COL23A1: variants seen among roughly 807,000 people sequenced by gnomAD.
COL23A1 encodes the protein collagen alpha-1(XXIII) chain.
In COL23A1, 97 loss-of-function variants were observed where a neutral mutation model predicts 99.3. The ratio of observed to expected loss-of-function variants is 0.98; its 90% CI spans 0.83 to 1.16. The LOEUF is 1.16. Among genes scored for constraint, COL23A1 ranks in the 50% most tolerant of loss-of-function variants. The pLI is 0.00. For synonymous variants in COL23A1, 320 were observed against 308.2 expected (o/e 1.04, Z -0.40); for missense variants, 762 against 757.4 (o/e 1.01, Z -0.07).
At chr5:178,245,613 CCCAT>C (rs746232088) in intron 25 of COL23A1, among the ~76,000 whole-genome samples, 1 of 151,228 alleles carries the variant, frequency 6.6e-6, no homozygotes, top group Admixed American at 6.6e-5. Context: ...CATCCATCCA[CCCAT>C]CCATCCATTT....
chr5:178,488,435 GCACATGAAGATTTCT>G (rs1757747966), intron 2 of COL23A1, among the ~76,000 whole-genome samples: 1 of 151,998 alleles, frequency 6.6e-6, no homozygotes, highest in Non-Finnish European at 1.5e-5. Context: ...TCCCTTTGTG[GCACATGAAGATTTCT>G]AGTGATCTCT....
rs574250013 is a variant in COL23A1, at chr5:178,279,071, C to G, written c.442-8708G>C. On this transcript the variant is annotated intron_variant, in intron 5 of 28. Coordinates refer to ENST00000390654, the MANE Select transcript of COL23A1 (RefSeq NM_173465.4). The stretch of plus-strand genomic sequence containing the variant: ...GAGCTCGGAGAGGCCAGGACACCAG[C>G]CCAAAGCTTTGCTCGAGCCCTGTGC... Among the ~76,000 whole-genome samples the G allele has an allele frequency of 7.6e-4, 116 of 152,316 alleles. 1 individual carries two copies. The highest frequency in any genetic ancestry group is 3.4e-3 in the Middle Eastern group (1 of 294).
intron 2 of COL23A1, among the ~76,000 whole-genome samples, chr5:178,416,417 G>A (rs939244244): frequency 6.6e-6 from 1 of 152,148 alleles, no homozygotes; most frequent in Non-Finnish European, 1.5e-5. Flanking sequence ...GGATCAGCTT[G>A]GCCTTGGGGA....
chr5:178,393,534 T>A (rs1764076589), intron 2 of COL23A1, among the ~76,000 whole-genome samples: 1 of 152,198 alleles, frequency 6.6e-6, no homozygotes, highest in Non-Finnish European at 1.5e-5. Context: ...ATGTTATGTA[T>A]GTTTTACTAC....
chr5:178,267,206 G>A (rs1433559887), intron 8 of COL23A1, 101 bp downstream of exon 8: 1 of 1,289,842 alleles, frequency 7.8e-7, no homozygotes, highest in Admixed American at 1.8e-5. Flanking sequence ...TTTCTGTGAT[G>A]AGCTGCGGGG....
At chr5:178,343,920 C>A (rs1369753759) in intron 2 of COL23A1, among the ~76,000 whole-genome samples, 2 of 152,106 alleles carry the variant, frequency 1.3e-5, no homozygotes, top group Non-Finnish European at 2.9e-5. Context: ...CTTGGCCTCC[C>A]AAAGTGCTGG....
In COL23A1 at chr5:178,525,069, CA is replaced by C. The variant is rs1401905921; in HGVS notation, c.361+35612del. 4.7e-5 allele frequency among the ~76,000 whole-genome samples: 7 copies of C among 149,336 alleles called. 1 individual carries two copies. The highest frequency in any genetic ancestry group is 1.2e-4 in the African/African-American group (5 of 40,152). On this transcript the variant is annotated intron_variant, in intron 2 of 28. Coordinates refer to ENST00000390654, the MANE Select transcript of COL23A1 (RefSeq NM_173465.4). ...AAATGGCGACACAGCGCGCAGACCC[CA>C]GGACCCGAAGGCTAAGCTCACATGG...
At chr5:178,410,175 G>A (rs1027468443) in intron 2 of COL23A1, among the ~76,000 whole-genome samples, 2 of 152,176 alleles carry the variant, frequency 1.3e-5, no homozygotes, top group African/African-American at 2.4e-5. Flanking sequence ...AATATAGGAC[G>A]AAGGATATGA....
chr5:178,398,814 G>T (rs1764286091), intron 2 of COL23A1, among the ~76,000 whole-genome samples: 1 of 152,200 alleles, frequency 6.6e-6, no homozygotes, highest in African/African-American at 2.4e-5. Context: ...GATCCCCTAG[G>T]CACGTCTTGT....
At position 178,307,575 on chromosome 5, in the gene COL23A1, T is replaced by A. The variant is rs1445880588; in HGVS notation, c.362-656A>T. 1.3e-5 allele frequency among the ~76,000 whole-genome samples: 2 copies of A among 152,184 alleles called. No homozygotes were observed. Among genetic ancestry groups the A allele is most frequent in the Non-Finnish European group, 2.9e-5 (2 of 68,034 alleles). ...TCTGAATTTACGGTGCAGAACCCCC[T>A]ACCTCCGCCTCTGGCCCTCTGCCCA... On this transcript the variant is annotated intron_variant, in intron 2 of 28. Coordinates refer to ENST00000390654, the MANE Select transcript of COL23A1 (RefSeq NM_173465.4). This position sits in a 1 kb window ranked among gnomAD's most constrained non-coding sequence, Gnocchi z 4.2.
intron 2 of COL23A1, among the ~76,000 whole-genome samples, chr5:178,494,733 C>G (rs552982914): frequency 6.6e-6 from 1 of 152,152 alleles, no homozygotes; most frequent in Non-Finnish European, 1.5e-5. Context: ...CTCTGCTCCC[C>G]GGTACATCCC....
intron 3 of COL23A1, among the ~76,000 whole-genome samples, chr5:178,292,903 G>A (rs1417828548): frequency 2.0e-5 from 3 of 152,194 alleles, no homozygotes; most frequent in Admixed American, 1.3e-4. Context: ...TAGAGAAAGT[G>A]TCTCAGGAGG....
intron 2 of COL23A1, among the ~76,000 whole-genome samples, chr5:178,453,755 C>T (rs1459276719): frequency 7.9e-5 from 12 of 152,148 alleles, no homozygotes; most frequent in Non-Finnish European, 1.8e-4. Flanking sequence ...GACTCGTTCA[C>T]AGTCACACAC....
rs77012449 is a variant in COL23A1 at position 178,585,544 on chromosome 5, C to T, written c.294+4360G>A. Among the ~76,000 whole-genome samples the T allele has an allele frequency of 3.6e-4, 20 of 56,100 alleles. 2 individuals are homozygous for T. The highest frequency in any genetic ancestry group is 6.2e-3 in the Middle Eastern group (1 of 162). 36.8% of individuals were successfully genotyped at this position (56,100 alleles called of 152,430 possible). On this transcript the variant is annotated intron_variant, in intron 1 of 28. Coordinates refer to ENST00000390654, the MANE Select transcript of COL23A1 (RefSeq NM_173465.4). ...CCTGGATGACGCTGGAGTAACACTC[C>T]ACAGCCCTGGTTGATGCTGGGGGTA... is the stretch of plus-strand genomic sequence containing the variant.
chr5:178,580,488 T>C (rs1474172591), intron 1 of COL23A1, among the ~76,000 whole-genome samples: 1 of 151,990 alleles, frequency 6.6e-6, no homozygotes, highest in Non-Finnish European at 1.5e-5. Context: ...CCCCAATGGT[T>C]CGTGCTTAGT....
At chr5:178,546,553 G>C (rs1417646595) in intron 2 of COL23A1, among the ~76,000 whole-genome samples, 1 of 152,202 alleles carries the variant, frequency 6.6e-6, no homozygotes, top group Non-Finnish European at 1.5e-5. Flanking sequence ...CTGACACTGG[G>C]GGCCGTCCCA....
intron 1 of COL23A1, among the ~76,000 whole-genome samples, chr5:178,572,232 G>T (rs911647026): frequency 5.9e-5 from 9 of 151,906 alleles, no homozygotes; most frequent in African/African-American, 1.7e-4. Flanking sequence ...AACACACAGA[G>T]AATTATTTTT....
intron 3 of COL23A1, among the ~76,000 whole-genome samples, chr5:178,296,097 G>T (rs1231801357): frequency 1.3e-5 from 2 of 152,208 alleles, no homozygotes; most frequent in African/African-American, 4.8e-5. Flanking sequence ...AGTGGCTGGA[G>T]AAAGCTCTGT....
At chr5:178,333,353 G>A (rs534291354) in intron 2 of COL23A1, among the ~76,000 whole-genome samples, 258 of 152,318 alleles carry the variant, frequency 1.7e-3, no homozygotes, top group African/African-American at 6.0e-3. Flanking sequence ...TTGTGGCCAT[G>A]GCCTGCAGGG....
Sources: allele counts gnomAD v4.1 joint callset (sites outside exome capture counted in the v4.1 genomes callset), GRCh38; gene constraint gnomAD v4.1.1; non-coding constraint Gnocchi (gnomAD v3.1); transcripts MANE v1.5; gene names NCBI Gene and HGNC (gene_info 2026-07-23, HGNC 2026-07-21).